Variants in ROBO2 observed in about 807,000 individuals in gnomAD.
The protein encoded by ROBO2 is roundabout homolog 2.
A neutral mutation model predicts 160.8 loss-of-function variants in ROBO2; 53 were observed. That is an observed-to-expected ratio of 0.33 (90% CI 0.26 to 0.41). The LOEUF (loss-of-function observed/expected upper bound fraction) is 0.41. Ranked by LOEUF, ROBO2 falls within the 10% of genes least tolerant of loss-of-function variation. The pLI, the probability that ROBO2 is intolerant of heterozygous loss-of-function variation, is 1.00. For synonymous variants in ROBO2, 664 were observed against 611.7 expected, an observed-to-expected ratio of 1.09 and a Z score of -1.26; for missense variants, 1,577 against 1,722.4, an observed-to-expected ratio of 0.92 and a Z score of 1.49.
At chr3:76,974,978 GATA>G (rs374228732) in intron 2 of ROBO2, among the ~76,000 whole-genome samples, 23 of 152,136 alleles carry the variant, frequency 1.5e-4, no homozygotes, top group African/African-American at 5.1e-4. Context: ...AATTCCATAT[GATA>G]ATAATAATAC....
intron 2 of ROBO2, among the ~76,000 whole-genome samples, chr3:76,322,626 A>G (rs184107064): frequency 6.6e-6 from 1 of 152,276 alleles, no homozygotes; most frequent in Admixed American, 6.5e-5. Context: ...ACAAATTTTG[A>G]CTTATAATAA....
At chr3:76,112,323 G>A (rs1229287858) in intron 2 of ROBO2, among the ~76,000 whole-genome samples, 1 of 151,804 alleles carries the variant, frequency 6.6e-6, no homozygotes, top group Non-Finnish European at 1.5e-5. Context: ...ATTATCATGG[G>A]CATCTTGTCA....
chr3:76,489,378 G>A (rs1302427815), intron 2 of ROBO2, among the ~76,000 whole-genome samples: 1 of 152,064 alleles, frequency 6.6e-6, no homozygotes, highest in Non-Finnish European at 1.5e-5. Context: ...GGAGAGCCTA[G>A]AGTTCTGATC....
chr3:77,561,162 C>A (rs2093310423), intron 9 of ROBO2, among the ~76,000 whole-genome samples: 1 of 152,134 alleles, frequency 6.6e-6, no homozygotes, highest in African/African-American at 2.4e-5. Context: ...AGTGAAATGG[C>A]AGTAACATCC....
chr3:75,977,304 A>G (rs141349364), intron 2 of ROBO2, among the ~76,000 whole-genome samples: 1 of 151,628 alleles, frequency 6.6e-6, no homozygotes, highest in African/African-American at 2.4e-5. Context: ...ATAGCTAAAA[A>G]GTAAAGTTGA....
intron 2 of ROBO2, among the ~76,000 whole-genome samples, chr3:76,504,373 A>C (rs2080657992): frequency 6.6e-6 from 1 of 152,188 alleles, no homozygotes; most frequent in Non-Finnish European, 1.5e-5. Context: ...GCCAGCGCCT[A>C]ATGACCGTGA....
At chr3:76,707,269 T>C (rs2093184366) in intron 2 of ROBO2, among the ~76,000 whole-genome samples, 1 of 152,094 alleles carries the variant, frequency 6.6e-6, no homozygotes, top group Non-Finnish European at 1.5e-5. Context: ...ATGTGCACTG[T>C]TTCCCTATTG....
At chr3:75,948,000 G>C (rs1948384206) in intron 2 of ROBO2, among the ~76,000 whole-genome samples, 1 of 152,048 alleles carries the variant, frequency 6.6e-6, no homozygotes, top group Non-Finnish European at 1.5e-5. Context: ...GAAAAAATCT[G>C]GCTGTATGTG....
chr3:75,996,793 CTGATATATGTAAAT>C (rs2065740812), intron 2 of ROBO2, among the ~76,000 whole-genome samples: 1 of 149,478 alleles, frequency 6.7e-6, no homozygotes, highest in South Asian at 2.1e-4. Context: ...ATCATCAATT[CTGATATATGTAAAT>C]CATCAATTCT....
chr3:77,403,710 A>AT (rs1488504291), intron 2 of ROBO2, among the ~76,000 whole-genome samples: 4 of 151,944 alleles, frequency 2.6e-5, no homozygotes, highest in Non-Finnish European at 5.9e-5. Context: ...TAGAGTGCAG[A>AT]TATCTCTTTG....
chr3:76,570,246 G>C (rs562870662), intron 2 of ROBO2, among the ~76,000 whole-genome samples: 12 of 152,232 alleles, frequency 7.9e-5, no homozygotes, highest in Non-Finnish European at 1.3e-4. Flanking sequence ...CTTTTTTCCA[G>C]TCCAGTTTTG....
At position 76,085,114 on chromosome 3, in the gene ROBO2, TATAC is replaced by T. The variant is rs1249253261; in HGVS notation, c.109+147514_109+147517del. On this transcript the variant is annotated intron_variant, in intron 2 of 26. Coordinates refer to the ROBO2 transcript ENST00000487694. ...ACCCCCCAGTTTACATATATATATA[TATAC>T]ACACACACACACACACACACACATA... Among the ~76,000 whole-genome samples, 204 of 129,050 alleles carry T rather than the reference TATAC, an allele frequency of 1.6e-3. 1 individual carries two copies. The highest frequency in any genetic ancestry group is 0.01 in the East Asian group (49 of 4,830). The allele number at this position is 129,050 out of a possible 152,430, so 84.7% of individuals were successfully genotyped here.
chr3:77,553,060 G>T (rs1240815154), intron 8 of ROBO2, among the ~76,000 whole-genome samples: 2 of 151,866 alleles, frequency 1.3e-5, no homozygotes, highest in Non-Finnish European at 2.9e-5. Flanking sequence ...ACAAATTGAA[G>T]GTTTATGGCA....
At chr3:76,581,721 T>C (rs1201538636) in intron 2 of ROBO2, among the ~76,000 whole-genome samples, 3 of 152,196 alleles carry the variant, frequency 2.0e-5, no homozygotes, top group Non-Finnish European at 1.5e-5. Context: ...CTCATTGTTT[T>C]AAATTTAAGG....
At chr3:76,630,423 A>G (rs2109435347) in intron 2 of ROBO2, among the ~76,000 whole-genome samples, 1 of 145,154 alleles carries the variant, frequency 6.9e-6, no homozygotes, top group Non-Finnish European at 1.5e-5. Context: ...ATGTATGTAT[A>G]GCTCACATTT....
At chr3:77,596,522 A>G (rs913702306) in intron 18 of ROBO2, 101 bp from the exon 20 acceptor site, 20 of 1,426,956 alleles carry the variant, frequency 1.4e-5, no homozygotes, top group African/African-American at 5.6e-5. Context: ...TTTGAAGTCA[A>G]TGAAAATCTT....
At chr3:76,474,851 G>A (rs2078848842) in intron 2 of ROBO2, among the ~76,000 whole-genome samples, 1 of 152,050 alleles carries the variant, frequency 6.6e-6, no homozygotes, top group African/African-American at 2.4e-5. Context: ...CCACCCAGAT[G>A]GTTAGGCTGG....
intron 2 of ROBO2, among the ~76,000 whole-genome samples, chr3:76,754,403 C>T (rs1004005593): frequency 2.0e-5 from 3 of 151,742 alleles, no homozygotes; most frequent in Non-Finnish European, 2.9e-5. Context: ...AACACTGAAG[C>T]GGAGGGGCAG....
rs188633134 is a variant in ROBO2 at position 76,144,061 on chromosome 3, G to C, written c.109+206459G>C. Among the ~76,000 whole-genome samples, 18 of 151,862 alleles carry C rather than the reference G, an allele frequency of 1.2e-4. No individual in the cohort carries two copies. In the East Asian group the frequency reaches 3.1e-3, roughly 26 times the overall value. ...TCTACTGATTCAAATGTTAATCTCAGCCAGAAACACCCCCACAGACACCTC... is the reference window on the plus strand; with the variant it reads ...TCTACTGATTCAAATGTTAATCTCACCCAGAAACACCCCCACAGACACCTC... On this transcript the variant is annotated intron_variant, in intron 2 of 26. Transcript: ENST00000487694.
Sources: allele counts gnomAD v4.1 joint callset (sites outside exome capture counted in the v4.1 genomes callset), GRCh38; gene constraint gnomAD v4.1.1; transcripts MANE v1.5; gene names NCBI Gene and HGNC (gene_info 2026-07-23, HGNC 2026-07-21).